The following SRPK2 variants were observed in gnomAD, a reference collection of about 807,000 sequenced individuals.
The protein encoded by SRPK2 is SFRS protein kinase 2.
Under a neutral mutation model 90.8 loss-of-function variants are expected in SRPK2, and 21 were observed. That is an observed-to-expected ratio of 0.23 (90% CI 0.16 to 0.33). The LOEUF (loss-of-function observed/expected upper bound fraction) is 0.33, where lower values mean the gene tolerates loss of function less well. Ranked by LOEUF, SRPK2 falls within the 10% of genes least tolerant of loss-of-function variation. The pLI is 1.00. For synonymous variants in SRPK2, 288 were observed against 311.1 expected (o/e 0.93, Z 0.78); for missense variants, 620 against 869.0 (o/e 0.71, Z 3.60).
chr7:105,206,014 C>T (rs746955357), intron 2 of SRPK2: 1 of 518,790 alleles, frequency 1.9e-6, no homozygotes, highest in South Asian at 1.4e-5. Flanking sequence ...TGCCAGTGCA[C>T]GGCACTACTG....
chr7:105,357,515 T>C (rs1376483452), intron 2 of SRPK2, among the ~76,000 whole-genome samples: 1 of 152,040 alleles, frequency 6.6e-6, no homozygotes, highest in African/African-American at 2.4e-5. Context: ...CAGCCGAGAT[T>C]GGTGGATCAC....
intron 1 of SRPK2, among the ~76,000 whole-genome samples, chr7:105,397,378 G>A (rs569074409): frequency 1.4e-5 from 2 of 147,834 alleles, no homozygotes; most frequent in East Asian, 3.9e-4. Flanking sequence ...TGCCCAGGCT[G>A]GAGCACAGTG....
chr7:105,145,272 TA>T lies in SRPK2; in HGVS notation c.813+10del, dbSNP rs1184291059. The stretch of plus-strand genomic sequence containing the variant: ...CATGGTGCATATAAAGTAATATGCG[TA>T]AGTACTTACAGGTTTCTGCTGTGGA... On this transcript the variant is annotated intron_variant, in intron 9 of 15. Transcript: ENST00000393651. 1.3e-6 allele frequency: 2 copies of T among 1,588,888 alleles called. No homozygotes were observed. The highest frequency in any genetic ancestry group is 1.7e-6 in the Non-Finnish European group (2 of 1,167,754).
At chr7:105,362,029 G>A (rs559008711) in intron 2 of SRPK2, among the ~76,000 whole-genome samples, 9 of 152,194 alleles carry the variant, frequency 5.9e-5, no homozygotes, top group Admixed American at 5.9e-4. Context: ...TACCATCAGA[G>A]TGAACACGCA....
At position 105,230,550 on chromosome 7, in the gene SRPK2, A is replaced by G. The variant is rs59581221; in HGVS notation, c.72-26765T>C. Among the ~76,000 whole-genome samples the G allele has an allele frequency of 2.8e-3, 429 of 152,296 alleles. 11 individuals are homozygous for G. The East Asian group carries it at 0.055, about 20-fold the overall frequency. On this transcript the variant is annotated intron_variant, in intron 2 of 15. Transcript: ENST00000393651. The stretch of plus-strand genomic sequence containing the variant: ...GAAAGACAGGAAGGTAAAAAGATTT[A>G]CCCAGAGACCAGATTTCTTTTCCTA...
At chr7:105,361,365 G>A (rs1025999133) in intron 2 of SRPK2, among the ~76,000 whole-genome samples, 6 of 152,166 alleles carry the variant, frequency 3.9e-5, no homozygotes, top group African/African-American at 1.4e-4. Flanking sequence ...CTCATGGATA[G>A]GAAGAATCAA....
intron 2 of SRPK2, among the ~76,000 whole-genome samples, chr7:105,296,561 G>A (rs1054621587): frequency 6.6e-5 from 10 of 152,274 alleles, no homozygotes; most frequent in Non-Finnish European, 1.5e-4. Flanking sequence ...GTATAACTTA[G>A]AGGAATTACA....
intron 3 of SRPK2, among the ~76,000 whole-genome samples, chr7:105,176,704 T>C (rs1391022893): frequency 2.7e-5 from 1 of 37,654 alleles, no homozygotes; most frequent in Non-Finnish European, 7.2e-5. Flanking sequence ...TATATATGTA[T>C]GTGTATGTGT....
At chr7:105,136,474 C>T (rs1012260971) in intron 11 of SRPK2, among the ~76,000 whole-genome samples, 11 of 152,166 alleles carry the variant, frequency 7.2e-5, no homozygotes, top group South Asian at 4.1e-4. Context: ...AAATGAAAAG[C>T]TTGCAATTGC....
At chr7:105,198,858 C>T (rs995082910) in intron 3 of SRPK2, among the ~76,000 whole-genome samples, 3 of 152,070 alleles carry the variant, frequency 2.0e-5, no homozygotes, top group African/African-American at 4.8e-5. Context: ...TCCAAGAAGA[C>T]GGAGCTACAA....
At chr7:105,156,828 A>G (rs150076903) in intron 7 of SRPK2, among the ~76,000 whole-genome samples, 1 of 152,180 alleles carries the variant, frequency 6.6e-6, no homozygotes, top group Admixed American at 6.5e-5. Context: ...CCCCACTTTT[A>G]TTGATGATGA....
chr7:105,232,540 T>G (rs1203625018), intron 2 of SRPK2, among the ~76,000 whole-genome samples: 1 of 149,770 alleles, frequency 6.7e-6, no homozygotes, highest in Non-Finnish European at 1.5e-5. Flanking sequence ...GCAATAAAAA[T>G]TTGTACTTAG....
At chr7:105,370,917 G>T (rs1819623309) in intron 2 of SRPK2, among the ~76,000 whole-genome samples, 1 of 151,826 alleles carries the variant, frequency 6.6e-6, no homozygotes. Flanking sequence ...CGCCCGGCCG[G>T]ATTATTAATT....
rs536374209 is a variant in SRPK2 at position 105,156,363 on chromosome 7, T to C, written c.621+4144A>G. On this transcript the variant is annotated intron_variant, in intron 7 of 15. Coordinates refer to ENST00000393651, the MANE Select transcript of SRPK2 (RefSeq NM_182692.3). The stretch of plus-strand genomic sequence containing the variant: ...TAATAATACCCATTTCACAGGGTTA[T>C]TGTGAGGAACTCAACTATGCAAAGT... 1.4e-3 allele frequency among the ~76,000 whole-genome samples: 219 copies of C among 152,336 alleles called. 3 individuals are homozygous for C. The highest frequency in any genetic ancestry group is 0.014 in the Middle Eastern group (4 of 294).
intron 2 of SRPK2, among the ~76,000 whole-genome samples, chr7:105,304,037 T>C (rs1377333260): frequency 6.6e-6 from 1 of 152,246 alleles, no homozygotes; most frequent in Non-Finnish European, 1.5e-5. Flanking sequence ...TATACTTTGC[T>C]GTACTACAAA....
rs535320018 is a variant in SRPK2, at chr7:105,277,287, G to A, written c.72-73502C>T. 1.0e-3 allele frequency among the ~76,000 whole-genome samples: 158 copies of A among 152,124 alleles called. 3 individuals carry two copies. The highest frequency in any genetic ancestry group is 3.3e-3 in the African/African-American group (136 of 41,518). On this transcript the variant is annotated intron_variant, in intron 2 of 15. Coordinates refer to ENST00000393651, the MANE Select transcript of SRPK2 (RefSeq NM_182692.3). ...GAGATGGTGTTTCACTGTGTTAGCC[G>A]GGATGGTCTTGATCTCCTGACCTCA... is the stretch of plus-strand genomic sequence containing the variant.
intron 2 of SRPK2, among the ~76,000 whole-genome samples, chr7:105,384,633 A>G (rs1045671362): frequency 2.0e-5 from 3 of 152,162 alleles, no homozygotes; most frequent in African/African-American, 7.2e-5. Flanking sequence ...AATTAATCAA[A>G]AAGCAAAAAC....
intron 2 of SRPK2, among the ~76,000 whole-genome samples, chr7:105,263,095 G>A (rs934180258): frequency 6.6e-6 from 1 of 152,184 alleles, no homozygotes; most frequent in African/African-American, 2.4e-5. Flanking sequence ...GGGAGGCTGA[G>A]GTGGGTGGAC....
intron 3 of SRPK2, among the ~76,000 whole-genome samples, chr7:105,170,843 GAAAGAAAGAA>G (rs1563025051): frequency 4.0e-4 from 4 of 10,046 alleles, no homozygotes; most frequent in African/African-American, 5.6e-4. Context: ...AAGGAAGAAA[GAAAGAAAGAA>G]AGAAAGAAAG....
Sources: gnomAD v4.1 joint callset for allele counts (sites outside exome capture counted in the v4.1 genomes callset) on GRCh38, gnomAD v4.1.1 for gene constraint, MANE v1.5 for transcripts, NCBI Gene and HGNC (gene_info 2026-07-23, HGNC 2026-07-21) for gene names.